The following DLGAP5 variants were observed in gnomAD, a reference collection of about 807,000 sequenced individuals.
DLGAP5 encodes the protein disks large-associated protein 5.
A neutral mutation model predicts 99.6 loss-of-function variants in DLGAP5; 90 were observed. That is an observed-to-expected ratio of 0.90 (90% CI 0.76 to 1.08). The LOEUF (loss-of-function observed/expected upper bound fraction) is 1.08. DLGAP5 is among the 50% of genes least tolerant of loss of function. The pLI is 0.00. For missense variants in DLGAP5, 1,036 were observed against 983.5 expected (o/e 1.05, Z -0.71); for synonymous variants, 311 against 321.3 (o/e 0.97, Z 0.34).
intron 17 of DLGAP5, 114 bp downstream of exon 17, chr14:55,151,581 A>G: frequency 8.7e-7 from 1 of 1,155,238 alleles, no homozygotes; most frequent in Non-Finnish European, 1.2e-6. Flanking sequence ...CTAACAATGA[A>G]GGATCCTCAA....
chr14:55,160,529 C>A (rs1882386688), intron 13 of DLGAP5, among the ~76,000 whole-genome samples: 1 of 151,882 alleles, frequency 6.6e-6, no homozygotes, highest in Admixed American at 6.6e-5. Flanking sequence ...TTCAATGTAA[C>A]CTCTGCCTCC....
chr14:55,170,836 T>C (rs1474887600), intron 10 of DLGAP5, 49 bp from the exon 11 acceptor site: 4 of 1,321,870 alleles, frequency 3.0e-6, no homozygotes, highest in African/African-American at 1.4e-5. Context: ...TTTACACTAG[T>C]AGCTAAGTAT....
Position 55,175,531 on chromosome 14 carries a change from G to A in DLGAP5, c.1175-59C>T, listed in dbSNP as rs558728684. 3 of 1,011,482 alleles carry A rather than the reference G, an allele frequency of 3.0e-6. No individual in the cohort carries two copies. In the East Asian group the frequency reaches 8.5e-5, roughly 29 times the overall value. 62.7% of individuals were successfully genotyped at this position (1,011,482 alleles called of 1,614,324 possible). A position where few individuals can be genotyped will look rare whatever the true frequency, so the allele number is the denominator to read the frequency against. On this transcript the variant is annotated intron_variant, in intron 9 of 18. Coordinates refer to ENST00000247191, the MANE Select transcript of DLGAP5 (RefSeq NM_014750.5). Reference sequence around the variant, plus strand: ...CAAAGCAACAATTCCTAAAATGACAGCCCCTAAAAAGACATTTTAAAAATC... The same window carrying A: ...CAAAGCAACAATTCCTAAAATGACAACCCCTAAAAAGACATTTTAAAAATC...
chr14:55,174,118 G>C (rs1405841299), intron 10 of DLGAP5, among the ~76,000 whole-genome samples: 1 of 152,164 alleles, frequency 6.6e-6, no homozygotes, highest in Non-Finnish European at 1.5e-5. Flanking sequence ...TTCTCAGCAA[G>C]GAACATCCCT....
intron 7 of DLGAP5, among the ~76,000 whole-genome samples, chr14:55,178,664 T>C (rs920713272): frequency 1.3e-5 from 2 of 152,230 alleles, no homozygotes; most frequent in African/African-American, 4.8e-5. Flanking sequence ...CTGTGAAGAT[T>C]CACTGTGTGT....
chr14:55,173,649 A>G (rs1261443088), intron 10 of DLGAP5, among the ~76,000 whole-genome samples: 1 of 152,116 alleles, frequency 6.6e-6, no homozygotes, highest in Non-Finnish European at 1.5e-5. Flanking sequence ...CCCCAAACGG[A>G]GGGACTGGCT....
intron 1 of DLGAP5, among the ~76,000 whole-genome samples, chr14:55,189,732 A>G (rs1883548811): frequency 6.6e-6 from 1 of 152,228 alleles, no homozygotes; most frequent in Admixed American, 6.5e-5. Flanking sequence ...TCTCTCAGGT[A>G]GCACCACTGT....
chr14:55,167,937 A>G (rs1318203974), intron 12 of DLGAP5, among the ~76,000 whole-genome samples: 1 of 152,016 alleles, frequency 6.6e-6, no homozygotes, highest in African/African-American at 2.4e-5. Context: ...CTGTGGGTCT[A>G]CTCAGTGCTA....
At chr14:55,181,984 T>C (rs374685673) in intron 4 of DLGAP5, among the ~76,000 whole-genome samples, 2 of 152,240 alleles carry the variant, frequency 1.3e-5, no homozygotes, top group Admixed American at 1.3e-4. Flanking sequence ...ATTTCCCTTC[T>C]TGCCCACTTC....
At chr14:55,164,259 C>T (rs925005710) in intron 12 of DLGAP5, among the ~76,000 whole-genome samples, 1 of 151,696 alleles carries the variant, frequency 6.6e-6, no homozygotes, top group Non-Finnish European at 1.5e-5. Context: ...TTGCTTGAAC[C>T]GAGAAGGTCG....
intron 7 of DLGAP5, among the ~76,000 whole-genome samples, chr14:55,177,585 T>G (rs1309165778): frequency 1.3e-5 from 2 of 151,788 alleles, no homozygotes; most frequent in African/African-American, 2.4e-5. Flanking sequence ...TCGCCCAGGC[T>G]GGAGTGCAGT....
Position 55,182,435 on chromosome 14 carries a change from T to G in DLGAP5, c.433-3A>C, listed in dbSNP as rs1263210600. The G allele has an allele frequency of 6.2e-7, 1 of 1,606,828 alleles. No homozygotes were observed. Among genetic ancestry groups the G allele is most frequent in the African/African-American group, 1.4e-5 (1 of 74,002 alleles). On this transcript the variant is annotated splice_polypyrimidine_tract_variant and splice_region_variant and intron_variant, in intron 3 of 18. Coordinates refer to ENST00000247191, the MANE Select transcript of DLGAP5 (RefSeq NM_014750.5). Reference sequence around the variant, plus strand: ...ATCCGTACAGAAGATGGAATAGCCTTAGAACAGTCAAAAGAAGATGAACTT... The same window carrying G: ...ATCCGTACAGAAGATGGAATAGCCTGAGAACAGTCAAAAGAAGATGAACTT...
intron 14 of DLGAP5, among the ~76,000 whole-genome samples, chr14:55,155,811 G>A (rs113562267): frequency 1.1e-4 from 16 of 152,006 alleles, no homozygotes; most frequent in Admixed American, 5.9e-4. Flanking sequence ...TGAATTGGCC[G>A]GGCGCGGTGG....
In DLGAP5 at chr14:55,154,630, T is replaced by A; in HGVS notation, c.2050A>T (p.Ile684Phe). Reference protein sequence around the residue: ...EHVKKTLFLSIPESRSSIEDA... With the variant: ...EHVKKTLFLSFPESRSSIEDA... ...TTAAAGAAATACCTGCTTTCAGGAA[T>A]ACTCAAAAACAAAGTCTTCTTCACA... Residue 684 changes from isoleucine (I) to phenylalanine (F), a missense_variant, in exon 15 of 19, where the codon ATT becomes TTT. Physicochemically the swap from Ile to Phe is conservative, Grantham distance 21. Coordinates refer to ENST00000247191, the MANE Select transcript of DLGAP5 (RefSeq NM_014750.5). 1.2e-6 allele frequency: 2 copies of A among 1,613,902 alleles called. No homozygotes were observed. Among genetic ancestry groups the A allele is most frequent in the South Asian group, 1.1e-5 (1 of 91,072 alleles).
chr14:55,181,330 T>C (rs746957563), intron 4 of DLGAP5, 33 bp from the exon 5 acceptor site: 5 of 1,552,248 alleles, frequency 3.2e-6, no homozygotes, highest in South Asian at 1.1e-5. Context: ...TGTGATTTAA[T>C]TGCATAATGA....
chr14:55,153,749 A>G (rs1242400633), intron 15 of DLGAP5, among the ~76,000 whole-genome samples: 2 of 151,874 alleles, frequency 1.3e-5, no homozygotes, highest in Admixed American at 1.3e-4. Context: ...TTAGCAAACA[A>G]TAGTAAACTA....
intron 2 of DLGAP5, among the ~76,000 whole-genome samples, chr14:55,185,322 C>T (rs571801946): frequency 1.3e-5 from 2 of 152,354 alleles, no homozygotes; most frequent in Non-Finnish European, 2.9e-5. Context: ...GCCTCAGCCT[C>T]CCGAGTAGCT....
At chr14:55,185,560 C>T (rs1594685195) in intron 2 of DLGAP5, among the ~76,000 whole-genome samples, 1 of 152,004 alleles carries the variant, frequency 6.6e-6, no homozygotes, top group African/African-American at 2.4e-5. Flanking sequence ...AATCTTGGCT[C>T]ACTGCAACCT....
At chr14:55,156,355 G>A (rs1022263568) in intron 14 of DLGAP5, among the ~76,000 whole-genome samples, 1 of 152,076 alleles carries the variant, frequency 6.6e-6, no homozygotes, top group African/African-American at 2.4e-5. Flanking sequence ...TGAGAGACAG[G>A]GTACTACATG....
Sources: gnomAD v4.1 joint callset for allele counts (sites outside exome capture counted in the v4.1 genomes callset) on GRCh38, gnomAD v4.1.1 for gene constraint, MANE v1.5 for transcripts, NCBI Gene and HGNC (gene_info 2026-07-23, HGNC 2026-07-21) for gene names.